Variants in MCPH1 observed in about 807,000 individuals in gnomAD.
The protein encoded by MCPH1 is microcephalin.
In MCPH1, 104 loss-of-function variants were observed where a neutral mutation model predicts 84.5. That is an observed-to-expected ratio of 1.23 (90% CI 1.05 to 1.45). The LOEUF (loss-of-function observed/expected upper bound fraction) is 1.45, where lower values mean the gene tolerates loss of function less well. MCPH1 is among the 40% of genes most tolerant of loss of function. The probability of loss-of-function intolerance (pLI) is 0.00; values close to 1 mark genes in which losing one functional copy is unlikely to be tolerated. For synonymous variants in MCPH1, 514 were observed against 366.8 expected (o/e 1.40, Z -4.58); for missense variants, 1,498 against 1,005.7 (o/e 1.49, Z -6.62).
chr8:6,600,928 C>T (rs1829311116), intron 12 of MCPH1, among the ~76,000 whole-genome samples: 2 of 152,186 alleles, frequency 1.3e-5, no homozygotes, highest in African/African-American at 4.8e-5. Flanking sequence ...AACACACTTC[C>T]ATGCACCGTT....
intron 12 of MCPH1, among the ~76,000 whole-genome samples, chr8:6,604,231 C>A (rs2515549): frequency 1.2e-4 from 18 of 151,928 alleles, no homozygotes; most frequent in African/African-American, 1.9e-4. Flanking sequence ...TGGAGCCATC[C>A]CAGACACAGC....
chr8:6,575,197 A>G (rs1281108376), intron 12 of MCPH1, among the ~76,000 whole-genome samples: 7 of 152,234 alleles, frequency 4.6e-5, no homozygotes, highest in Admixed American at 4.6e-4. Context: ...AGGAAGACCT[A>G]TTTTCCTGAT....
intron 3 of MCPH1, among the ~76,000 whole-genome samples, chr8:6,419,559 ATTT>A (rs34375855): frequency 8.7e-5 from 12 of 138,092 alleles, no homozygotes; most frequent in Non-Finnish European, 9.5e-5. Flanking sequence ...CACCTGGCTA[ATTT>A]TTTTTTTTTT....
intron 12 of MCPH1, chr8:6,507,970 T>C (rs1814123716): frequency 6.6e-6 from 1 of 152,244 alleles, no homozygotes; most frequent in Non-Finnish European, 1.5e-5. Context: ...AAGTGACTAC[T>C]ACAATGGTTT....
chr8:6,592,150 T>C (rs71525739), intron 12 of MCPH1, among the ~76,000 whole-genome samples: 1 of 151,384 alleles, frequency 6.6e-6, no homozygotes, highest in East Asian at 1.9e-4. Flanking sequence ...ATCATTATGG[T>C]TATTATTATT....
chr8:6,480,333 C>G (rs943142235), intron 10 of MCPH1, among the ~76,000 whole-genome samples: 1 of 151,980 alleles, frequency 6.6e-6, no homozygotes. Context: ...ACCATGTTGG[C>G]TAGGCTGATC....
intron 9 of MCPH1, among the ~76,000 whole-genome samples, chr8:6,467,059 G>T (rs1017611646): frequency 6.6e-6 from 1 of 152,188 alleles, no homozygotes; most frequent in Non-Finnish European, 1.5e-5. Flanking sequence ...TAAATACAAT[G>T]ACAAAAACTG....
chr8:6,642,790 G>C, intron 13 of MCPH1: 3 of 629,764 alleles, frequency 4.8e-6, no homozygotes, highest in Non-Finnish European at 8.7e-6. Flanking sequence ...GTGTGACTGA[G>C]AACTGAATGT....
Position 6,542,511 on chromosome 8 carries a change from G to A in MCPH1, c.2214+42582G>A, listed in dbSNP as rs553229244. Among the ~76,000 whole-genome samples the A allele has an allele frequency of 1.8e-4, 28 of 152,100 alleles. No homozygotes were observed. The South Asian group carries it at 4.8e-3, about 26-fold the overall frequency. ...CGCTAGCGCCTGGGTCACAGTGCTA[G>A]CTGGTAGCAGAGTACTAACTTAAAC... On this transcript the variant is annotated intron_variant, in intron 12 of 13. Coordinates refer to ENST00000344683, the MANE Select transcript of MCPH1 (RefSeq NM_024596.5).
chr8:6,563,021 G>C, intron 12 of MCPH1: 1 of 1,407,708 alleles, frequency 7.1e-7, no homozygotes, highest in Non-Finnish European at 9.6e-7. Context: ...CTAAAACGCA[G>C]GGCTGCTACG....
At chr8:6,518,526 C>A (rs997025264) in intron 12 of MCPH1, among the ~76,000 whole-genome samples, 1 of 152,144 alleles carries the variant, frequency 6.6e-6, no homozygotes, top group Non-Finnish European at 1.5e-5. Flanking sequence ...TTGAATAGCA[C>A]AATATTTATC....
rs1008726618 is a variant in MCPH1 at position 6,607,639 on chromosome 8, G to A, written c.2215-13815G>A. Among the ~76,000 whole-genome samples the A allele has an allele frequency of 1.2e-4, 18 of 152,260 alleles. 1 individual carries two copies. In the South Asian group the frequency reaches 1.9e-3, roughly 16 times the overall value. ...GGGAGGGAACCAGTGGGAGATAATCGAATCATGGGGGCAGTTTCCCCCCAT... is the reference window on the plus strand; with the variant it reads ...GGGAGGGAACCAGTGGGAGATAATCAAATCATGGGGGCAGTTTCCCCCCAT... On this transcript the variant is annotated intron_variant, in intron 12 of 13. Coordinates refer to ENST00000344683, the MANE Select transcript of MCPH1 (RefSeq NM_024596.5).
rs1240453870 is a variant in MCPH1 at position 6,499,903 on chromosome 8, CTG to C, written c.2190_2191del (p.His732ProfsTer45). On this transcript the variant is annotated frameshift_variant, in exon 12 of 14. Transcript: ENST00000344683. LOFTEE classifies it high-confidence loss of function. Reference sequence around the variant, plus strand: ...CTGGATTTCTGAGGAGCCGTTCGAACTGTCTCACCACTTCCCTGCAGCTCCCG... The same window carrying C: ...CTGGATTTCTGAGGAGCCGTTCGAACTCTCACCACTTCCCTGCAGCTCCCG... ...GHWISEEPFE[L>X]SHHFPAAPLC... 1 of 1,613,726 alleles carries C rather than the reference CTG, an allele frequency of 6.2e-7. No individual in the cohort carries two copies. The highest frequency in any genetic ancestry group is 8.5e-7 in the Non-Finnish European group (1 of 1,179,974).
intron 12 of MCPH1, among the ~76,000 whole-genome samples, chr8:6,585,776 A>C (rs896620249): frequency 1.1e-4 from 16 of 152,216 alleles, no homozygotes; most frequent in Admixed American, 9.8e-4. Context: ...CTTGGCCTGT[A>C]CTTCCTTCAT....
chr8:6,518,887 C>G (rs1816794946), intron 12 of MCPH1, among the ~76,000 whole-genome samples: 1 of 152,048 alleles, frequency 6.6e-6, no homozygotes, highest in African/African-American at 2.4e-5. Flanking sequence ...TAAGAGAAGC[C>G]ACATTGAAAT....
rs1335843013 is a variant in MCPH1, at chr8:6,515,232, C to T, written c.2214+15303C>T. Among the ~76,000 whole-genome samples, 3 of 152,112 alleles carry T rather than the reference C, an allele frequency of 2.0e-5. No homozygotes were observed. The East Asian group carries it at 5.8e-4, about 29-fold the overall frequency. ...CCAGCCCCTGCCCCTCCACAGAGAG[C>T]TATGTGAAGGGGATACTCTTTGATC... is the stretch of plus-strand genomic sequence containing the variant. On this transcript the variant is annotated intron_variant, in intron 12 of 13. Transcript: ENST00000344683.
At chr8:6,573,450 C>G (rs1405762173) in intron 12 of MCPH1, among the ~76,000 whole-genome samples, 1 of 152,120 alleles carries the variant, frequency 6.6e-6, no homozygotes, top group Non-Finnish European at 1.5e-5. Context: ...GGGACTGACT[C>G]TTACACTTAA....
intron 12 of MCPH1, among the ~76,000 whole-genome samples, chr8:6,589,268 A>G (rs758935415): frequency 6.6e-6 from 1 of 151,236 alleles, no homozygotes; most frequent in African/African-American, 2.4e-5. Flanking sequence ...TTCCTTCTTC[A>G]AAAATGACTG....
At chr8:6,611,130 T>TCTCACACA in intron 12 of MCPH1, among the ~76,000 whole-genome samples, 1 of 149,848 alleles carries the variant, frequency 6.7e-6, no homozygotes, top group South Asian at 2.1e-4. Flanking sequence ...ACACACACAC[T>TCTCACACA]CACACACACA....
Sources: allele counts gnomAD v4.1 joint callset (sites outside exome capture counted in the v4.1 genomes callset), GRCh38; gene constraint gnomAD v4.1.1; transcripts MANE v1.5; gene names NCBI Gene and HGNC (gene_info 2026-07-23, HGNC 2026-07-21).